The following ZFHX3 variants were observed in gnomAD, a reference collection of about 807,000 sequenced individuals.
ZFHX3 encodes the protein zinc finger homeobox protein 3.
In ZFHX3, 42 loss-of-function variants were observed where a neutral mutation model predicts 279.1. That is an observed-to-expected ratio of 0.15 (90% CI 0.12 to 0.19). The LOEUF is 0.19. Among genes scored for constraint, ZFHX3 ranks in the 10% least tolerant of loss-of-function variants. The pLI is 1.00. For missense variants in ZFHX3, 4,981 were observed against 4,754.0 expected (o/e 1.05, Z -1.40); for synonymous variants, 2,293 against 1,957.8 (o/e 1.17, Z -4.52).
At position 73,172,931 on chromosome 16, in the gene ZFHX3, G is replaced by GTTTTT. The variant is rs376709821; in HGVS notation, c.-1103-29105_-1103-29101dup. ...ATTTCTCATGGTGGGGCTGCCTGTG[G>GTTTTT]TTTTTTTTTTTTTTTTTCTTTCTTT... is the stretch of plus-strand genomic sequence containing the variant. On this transcript the variant is annotated intron_variant, in intron 5 of 17. Transcript: ENST00000641206. Among the ~76,000 whole-genome samples the GTTTTT allele has an allele frequency of 1.9e-3, 182 of 96,934 alleles. 1 individual carries two copies. Among genetic ancestry groups the GTTTTT allele is most frequent in the Middle Eastern group, 7.1e-3 (1 of 140 alleles). The allele number at this position is 96,934 out of a possible 152,430, so 63.6% of individuals were successfully genotyped here.
intron 1 of ZFHX3, among the ~76,000 whole-genome samples, chr16:73,040,574 G>C (rs527865413): frequency 2.0e-5 from 3 of 152,204 alleles, no homozygotes; most frequent in African/African-American, 7.2e-5. Context: ...GGGTGGATGG[G>C]GGACACTGTA....
chr16:73,821,555 A>C (rs1488321791), intron 1 of ZFHX3, among the ~76,000 whole-genome samples: 2 of 152,236 alleles, frequency 1.3e-5, no homozygotes, highest in African/African-American at 4.8e-5. Context: ...TGTTATGACA[A>C]CTTGAGATAA....
chr16:73,604,479 C>G lies in ZFHX3; in HGVS notation c.-1547+75701G>C, dbSNP rs147741261. Among the ~76,000 whole-genome samples the G allele has an allele frequency of 6.5e-3, 996 of 152,294 alleles. 16 individuals are homozygous for G. The highest frequency in any genetic ancestry group is 0.023 in the African/African-American group (958 of 41,556). ...ATGTCCCATGGGCCAGGCACAGTGA[C>G]TCACGCCTGTAATCCCAGCACTTTG... On this transcript the variant is annotated intron_variant, in intron 2 of 17. Transcript: ENST00000641206.
intron 3 of ZFHX3, among the ~76,000 whole-genome samples, chr16:73,321,284 C>T (rs939977862): frequency 2.6e-5 from 4 of 152,234 alleles, no homozygotes; most frequent in Middle Eastern, 3.4e-3. Context: ...GCTCAGGAGG[C>T]GAGATCCTAA....
chr16:73,191,456 G>A (rs1237743268), intron 5 of ZFHX3, among the ~76,000 whole-genome samples: 6 of 152,088 alleles, frequency 3.9e-5, no homozygotes, highest in African/African-American at 7.2e-5. Flanking sequence ...AATGAGTCCC[G>A]GGGGTACAAC....
chr16:72,980,885 T>C (rs376109072), intron 1 of ZFHX3, among the ~76,000 whole-genome samples: 3 of 152,218 alleles, frequency 2.0e-5, no homozygotes. Flanking sequence ...CAAAAGTTCA[T>C]TGTTAAGTCA....
At chr16:73,392,861 G>C (rs113820430) in intron 3 of ZFHX3, among the ~76,000 whole-genome samples, 1 of 151,952 alleles carries the variant, frequency 6.6e-6, no homozygotes, top group African/African-American at 2.4e-5. Context: ...TTTTGAGACA[G>C]TCTCACTCTG....
Position 73,835,511 on chromosome 16 carries a change from T to G in ZFHX3, c.-1608+56140A>C, listed in dbSNP as rs1418465484. Among the ~76,000 whole-genome samples the G allele has an allele frequency of 3.0e-5, 4 of 132,544 alleles. No homozygotes were observed. The East Asian group carries it at 1.1e-3, about 36-fold the overall frequency. 87.0% of individuals were successfully genotyped at this position (132,544 alleles called of 152,430 possible). A position where few individuals can be genotyped will look rare whatever the true frequency, so the allele number is the denominator to read the frequency against. ...TTGAGATGGAGTTTCACTCTTGTCA[T>G]CAAGGCTGGAGTGCAATGTTGCAAT... On this transcript the variant is annotated intron_variant, in intron 1 of 17. Transcript: ENST00000641206.
chr16:72,877,698 G>A (rs904526884), intron 4 of ZFHX3, among the ~76,000 whole-genome samples: 1 of 152,162 alleles, frequency 6.6e-6, no homozygotes, highest in Non-Finnish European at 1.5e-5. Flanking sequence ...CTGATCCCTG[G>A]GCTAAAACAG....
chr16:73,178,185 C>T (rs922073415), intron 5 of ZFHX3, among the ~76,000 whole-genome samples: 7 of 151,888 alleles, frequency 4.6e-5, no homozygotes, highest in African/African-American at 7.3e-5. Context: ...GGTCTCACTC[C>T]GGAGTACAGT....
chr16:73,392,441 A>AAAAAAAAAAAC, intron 3 of ZFHX3, among the ~76,000 whole-genome samples: 1 of 147,576 alleles, frequency 6.8e-6, no homozygotes, highest in Admixed American at 6.8e-5. Flanking sequence ...AAAAAAAAAA[A>AAAAAAAAAAAC]AAGAGTGAAA....
At chr16:73,379,588 A>G (rs549881485) in intron 3 of ZFHX3, among the ~76,000 whole-genome samples, 1 of 152,304 alleles carries the variant, frequency 6.6e-6, no homozygotes, top group South Asian at 2.1e-4. Context: ...ATGCAAAGTT[A>G]TCTCCACAGA....
At chr16:73,609,749 A>T (rs949738898) in intron 2 of ZFHX3, 1 of 152,150 alleles carries the variant, frequency 6.6e-6, no homozygotes, top group Non-Finnish European at 1.5e-5. Flanking sequence ...AACTCAGTAG[A>T]CATGCCAGAT....
rs144483667 is a variant in ZFHX3 at position 72,872,598 on chromosome 16, C to A, written c.3448+17133G>T. Among the ~76,000 whole-genome samples, 725 of 152,242 alleles carry A rather than the reference C, an allele frequency of 4.8e-3. 4 individuals carry two copies. Among genetic ancestry groups the A allele is most frequent in the Non-Finnish European group, 8.1e-3 (551 of 68,014 alleles). On this transcript the variant is annotated intron_variant, in intron 4 of 9. Transcript: ENST00000268489. ...TCAGCCTCCGGAGTACCTGAGACTA[C>A]AGGCACGCGCCACCATGTCTGGCTA...
rs1960520691 is a variant in ZFHX3 at position 73,814,732 on chromosome 16, T to C, written c.-1608+76919A>G. Reference sequence around the variant, plus strand: ...ATGGGCACCCACCACCATGCCTGGCTAATTTTTATATTTTTAGTAAAGACA... The same window carrying C: ...ATGGGCACCCACCACCATGCCTGGCCAATTTTTATATTTTTAGTAAAGACA... On this transcript the variant is annotated intron_variant, in intron 1 of 17. Coordinates refer to the ZFHX3 transcript ENST00000641206. Among the ~76,000 whole-genome samples the C allele has an allele frequency of 2.0e-5, 3 of 152,090 alleles. No homozygotes were observed. The South Asian group carries it at 6.2e-4, about 32-fold the overall frequency.
intron 2 of ZFHX3, among the ~76,000 whole-genome samples, chr16:73,524,995 G>T (rs1250897400): frequency 6.6e-6 from 1 of 152,118 alleles, no homozygotes; most frequent in Non-Finnish European, 1.5e-5. Context: ...CTGTCTCCAG[G>T]TTCGAGGTAG....
intron 4 of ZFHX3, among the ~76,000 whole-genome samples, chr16:72,831,231 A>G (rs1254088983): frequency 6.6e-6 from 1 of 152,232 alleles, no homozygotes; most frequent in Non-Finnish European, 1.5e-5. Context: ...GAAGATGTCT[A>G]TTTAGAATCA....
intron 5 of ZFHX3, among the ~76,000 whole-genome samples, chr16:73,175,934 G>C (rs1007765641): frequency 8.5e-5 from 13 of 152,136 alleles, no homozygotes; most frequent in Non-Finnish European, 1.5e-4. Context: ...ATCTTATCCA[G>C]CACAAGGAAT....
intron 1 of ZFHX3, among the ~76,000 whole-genome samples, chr16:73,835,222 T>C (rs1597136535): frequency 2.0e-5 from 3 of 152,220 alleles, no homozygotes; most frequent in East Asian, 3.9e-4. Context: ...AGCTAGAAGT[T>C]CCTCTGTCAG....
Sources: allele counts gnomAD v4.1 joint callset (sites outside exome capture counted in the v4.1 genomes callset), GRCh38; gene constraint gnomAD v4.1.1; transcripts MANE v1.5; gene names NCBI Gene and HGNC (gene_info 2026-07-23, HGNC 2026-07-21).